The following C1orf21 variants were observed in gnomAD, a reference collection of about 807,000 sequenced individuals.
The protein encoded by C1orf21 is chromosome 1 open reading frame 21.
C1orf21 carries 3 observed loss-of-function variants against 18.7 expected under a neutral mutation model. The observed-to-expected ratio is 0.16, with a 90% confidence interval of 0.07 to 0.42. C1orf21 has a LOEUF of 0.42. Among genes scored for constraint, C1orf21 ranks in the 10% least tolerant of loss-of-function variants. C1orf21 has a pLI of 0.99. For missense variants in C1orf21, 104 were observed against 143.6 expected (o/e 0.72, Z 1.41); for synonymous variants, 41 against 46.4 (o/e 0.88, Z 0.47).
chr1:184,572,750 G>T (rs936931497), intron 3 of C1orf21, among the ~76,000 whole-genome samples: 1 of 152,110 alleles, frequency 6.6e-6, no homozygotes, highest in Non-Finnish European at 1.5e-5. Context: ...TGAGGAGTTT[G>T]AGACCAGCCT....
intron 1 of C1orf21, among the ~76,000 whole-genome samples, chr1:184,463,168 G>A (rs1237417203): frequency 6.6e-6 from 1 of 151,868 alleles, no homozygotes; most frequent in Admixed American, 6.6e-5. Flanking sequence ...GTAGAGCTGT[G>A]GCATCAGCTC....
rs541611173 is a variant in C1orf21 at position 184,624,368 on chromosome 1, T to C, written c.*4812T>C. 6.5e-6 allele frequency: 1 copy of C among 152,680 alleles called. No individual in the cohort carries two copies. Among genetic ancestry groups the C allele is most frequent in the East Asian group, 1.9e-4 (1 of 5,160 alleles). 9.5% of individuals were successfully genotyped at this position (152,680 alleles called of 1,614,324 possible). On this transcript the variant is annotated 3_prime_UTR_variant, in exon 6 of 6. Coordinates refer to ENST00000235307, the MANE Select transcript of C1orf21 (RefSeq NM_030806.4). ...AGGCTTTGGGAATTTAGGCACACGT[T>C]TCTCTCCTTGGAATCCTTCTAGCAT... is the stretch of plus-strand genomic sequence containing the variant.
intron 3 of C1orf21, among the ~76,000 whole-genome samples, chr1:184,535,332 A>C (rs1400155559): frequency 6.6e-6 from 1 of 152,172 alleles, no homozygotes; most frequent in East Asian, 1.9e-4. Context: ...AGCTCTCTCA[A>C]CAGGAAGTCG....
chr1:184,608,268 T>C (rs1037903043), intron 5 of C1orf21, among the ~76,000 whole-genome samples: 1 of 152,218 alleles, frequency 6.6e-6, no homozygotes, highest in African/African-American at 2.4e-5. Flanking sequence ...TCAAAAGAAG[T>C]CTATGAAAAC....
At chr1:184,558,142 C>T (rs1658904119) in intron 3 of C1orf21, among the ~76,000 whole-genome samples, 1 of 152,218 alleles carries the variant, frequency 6.6e-6, no homozygotes, top group Admixed American at 6.5e-5. Context: ...TCTCCTCTTA[C>T]TCACCACTTC....
chr1:184,533,854 TG>T (rs1658507240), intron 3 of C1orf21, among the ~76,000 whole-genome samples: 1 of 152,172 alleles, frequency 6.6e-6, no homozygotes, highest in African/African-American at 2.4e-5. Context: ...CAACATTTGG[TG>T]TGTACGTCTC....
chr1:184,524,434 C>G (rs1658349574), intron 3 of C1orf21, among the ~76,000 whole-genome samples: 1 of 152,024 alleles, frequency 6.6e-6, no homozygotes, highest in Non-Finnish European at 1.5e-5. Context: ...GTTGACTCAT[C>G]CTTTATTATG....
chr1:184,518,188 G>A (rs1178939368), intron 3 of C1orf21, among the ~76,000 whole-genome samples: 1 of 152,196 alleles, frequency 6.6e-6, no homozygotes, highest in Non-Finnish European at 1.5e-5. Flanking sequence ...AGCTGGAGTA[G>A]AGTTTAATTC....
At chr1:184,531,677 C>T (rs1006903738) in intron 3 of C1orf21, among the ~76,000 whole-genome samples, 2 of 152,034 alleles carry the variant, frequency 1.3e-5, no homozygotes, top group East Asian at 3.9e-4. Context: ...CTTATACTTC[C>T]TCTCCAATTT....
chr1:184,455,220 G>A (rs1317367629), intron 1 of C1orf21, among the ~76,000 whole-genome samples: 1 of 152,184 alleles, frequency 6.6e-6, no homozygotes, highest in African/African-American at 2.4e-5. Flanking sequence ...CAAAGCCTGA[G>A]TCTCTTAAAA....
intron 5 of C1orf21, among the ~76,000 whole-genome samples, chr1:184,613,757 C>T (rs536702935): frequency 6.6e-6 from 1 of 152,100 alleles, no homozygotes; most frequent in African/African-American, 2.4e-5. Context: ...CAAAGATGGA[C>T]AAGAAACATG....
chr1:184,448,713 C>A (rs1174038420), intron 1 of C1orf21, among the ~76,000 whole-genome samples: 1 of 152,116 alleles, frequency 6.6e-6, no homozygotes, highest in African/African-American at 2.4e-5. Flanking sequence ...AGCAGGGAGA[C>A]CACGGGGCTT....
At chr1:184,458,928 C>T (rs1018764149) in intron 1 of C1orf21, among the ~76,000 whole-genome samples, 4 of 152,050 alleles carry the variant, frequency 2.6e-5, no homozygotes, top group East Asian at 1.9e-4. Flanking sequence ...ATTAAATTTC[C>T]GTGTTGTAGA....
intron 3 of C1orf21, among the ~76,000 whole-genome samples, chr1:184,529,767 G>A (rs180739526): frequency 2.6e-5 from 4 of 152,162 alleles, no homozygotes; most frequent in East Asian, 1.9e-4. Flanking sequence ...AGTGAGGAGC[G>A]GACCAGATTG....
At chr1:184,526,771 G>A (rs1658383471) in intron 3 of C1orf21, among the ~76,000 whole-genome samples, 1 of 152,134 alleles carries the variant, frequency 6.6e-6, no homozygotes, top group Admixed American at 6.6e-5. Context: ...AGGGAGAACC[G>A]AGGGAAAGAA....
intron 5 of C1orf21, among the ~76,000 whole-genome samples, chr1:184,610,988 C>T (rs1481810132): frequency 2.6e-5 from 4 of 152,032 alleles, no homozygotes; most frequent in Non-Finnish European, 5.9e-5. Context: ...GCCCAATATC[C>T]GGGGATTGTT....
chr1:184,533,476 G>C (rs1290764783), intron 3 of C1orf21, among the ~76,000 whole-genome samples: 3 of 152,130 alleles, frequency 2.0e-5, no homozygotes, highest in Non-Finnish European at 4.4e-5. Context: ...TGTTAAAGAA[G>C]GCATGGTCTT....
intron 3 of C1orf21, among the ~76,000 whole-genome samples, chr1:184,582,989 T>TC (rs1206205422): frequency 2.0e-5 from 3 of 152,014 alleles, no homozygotes; most frequent in Non-Finnish European, 4.4e-5. Context: ...CAGGCACACG[T>TC]CACCATGCCT....
At chr1:184,392,465 G>A (rs967659560) in intron 1 of C1orf21, among the ~76,000 whole-genome samples, 1 of 152,174 alleles carries the variant, frequency 6.6e-6, no homozygotes, top group Non-Finnish European at 1.5e-5. Flanking sequence ...GGGCGGCGAG[G>A]GTTGAGAAAT....
Sources: gnomAD v4.1 joint callset for allele counts (sites outside exome capture counted in the v4.1 genomes callset) on GRCh38, gnomAD v4.1.1 for gene constraint, MANE v1.5 for transcripts, NCBI Gene and HGNC (gene_info 2026-07-23, HGNC 2026-07-21) for gene names.